GDPD5: variants seen among roughly 807,000 people sequenced by gnomAD.
GDPD5 encodes the protein glycerophosphodiester phosphodiesterase 2.
GDPD5 carries 48 observed loss-of-function variants against 75.1 expected under a neutral mutation model. The observed-to-expected ratio is 0.64, with a 90% CI of 0.51 to 0.81. GDPD5 has a LOEUF of 0.81. GDPD5 is among the 40% of genes least tolerant of loss of function. The pLI, the probability that GDPD5 is intolerant of heterozygous loss-of-function variation, is 0.00. For synonymous variants in GDPD5, 336 were observed against 339.0 expected, an observed-to-expected ratio of 0.99 and a Z score of 0.10; for missense variants, 706 against 822.6, an observed-to-expected ratio of 0.86 and a Z score of 1.73.
intron 3 of GDPD5, among the ~76,000 whole-genome samples, chr11:75,477,271 C>T (rs1286873709): frequency 6.6e-6 from 1 of 152,258 alleles, no homozygotes; most frequent in Non-Finnish European, 1.5e-5. Flanking sequence ...TCACCCTCTC[C>T]TCCAGCACCT....
At chr11:75,488,716 A>T (rs776447578) in intron 2 of GDPD5, among the ~76,000 whole-genome samples, 2 of 152,126 alleles carry the variant, frequency 1.3e-5, no homozygotes, top group Non-Finnish European at 2.9e-5. Context: ...GATTCCCCCC[A>T]ACAAAAGCCC....
At chr11:75,462,741 C>A (rs781508547) in intron 4 of GDPD5, 45 bp downstream of exon 4, 2 of 1,475,846 alleles carry the variant, frequency 1.4e-6, no homozygotes, top group Non-Finnish European at 9.4e-7. Context: ...CTACTGGATA[C>A]CCAGCTCTGG....
intron 5 of GDPD5, among the ~76,000 whole-genome samples, chr11:75,457,319 G>A (rs1291142458): frequency 1.3e-5 from 2 of 152,196 alleles, no homozygotes; most frequent in Admixed American, 6.5e-5. Flanking sequence ...AACATTCCAG[G>A]AAGGGGCAGC....
chr11:75,449,576 G>A lies in GDPD5; in HGVS notation c.509C>T (p.Ala170Val). ...GATCCAGGAGAGCATGGTGACTGCT[G>A]CCACAGCCCCCACATGCAGGAATGG... ...TAPFLHVGAV[A>V]AVTMLSWIVA... The change falls in exon 8 of 17, where the codon GCA becomes GTA. Residue 170 changes from alanine (A) to valine (V), a missense_variant. Transcript: ENST00000336898. 1 of 1,589,172 alleles carries A rather than the reference G, an allele frequency of 6.3e-7. No individual in the cohort carries two copies. Among genetic ancestry groups the A allele is most frequent in the Non-Finnish European group, 8.6e-7 (1 of 1,168,040 alleles).
intron 10 of GDPD5, among the ~76,000 whole-genome samples, chr11:75,443,964 C>A (rs769474564): frequency 3.3e-5 from 5 of 152,192 alleles, no homozygotes; most frequent in Non-Finnish European, 7.3e-5. Context: ...GACAGTTCTG[C>A]CCTTCTTCCC....
intron 1 of GDPD5, among the ~76,000 whole-genome samples, chr11:75,491,529 G>T (rs1380437077): frequency 6.6e-6 from 1 of 152,188 alleles, no homozygotes; most frequent in Non-Finnish European, 1.5e-5. Context: ...CTGCATTTCT[G>T]ATAAGCTCCC....
intron 3 of GDPD5, among the ~76,000 whole-genome samples, chr11:75,474,597 G>T (rs1261866056): frequency 6.6e-6 from 1 of 152,070 alleles, no homozygotes; most frequent in Non-Finnish European, 1.5e-5. Flanking sequence ...TATTTGTTAA[G>T]CGTGTATCCT....
chr11:75,447,526 C>T (rs1949016077), intron 9 of GDPD5, among the ~76,000 whole-genome samples: 1 of 152,164 alleles, frequency 6.6e-6, no homozygotes, highest in Non-Finnish European at 1.5e-5. Flanking sequence ...AATGGCCAAA[C>T]GTAGATAAGT....
chr11:75,451,593 T>A (rs937367553), intron 6 of GDPD5: 1 of 152,206 alleles, frequency 6.6e-6, no homozygotes, highest in African/African-American at 2.4e-5. Context: ...TCCGAACCCC[T>A]GAGAACCCCG....
chr11:75,436,142 A>G (rs1282590778), intron 16 of GDPD5, among the ~76,000 whole-genome samples: 1 of 152,056 alleles, frequency 6.6e-6, no homozygotes, highest in African/African-American at 2.4e-5. Flanking sequence ...TGGGCCCCCA[A>G]AATACCTCAA....
At chr11:75,450,042 G>C (rs1387338401) in intron 6 of GDPD5, 59 bp from the exon 7 acceptor site, 32 of 1,394,256 alleles carry the variant, frequency 2.3e-5, no homozygotes, top group Non-Finnish European at 2.7e-5. Context: ...TTCCCAGTGT[G>C]TCTGAGAGAG....
At chr11:75,509,438 A>C (rs1950469523) in intron 1 of GDPD5, among the ~76,000 whole-genome samples, 1 of 152,248 alleles carries the variant, frequency 6.6e-6, no homozygotes, top group Non-Finnish European at 1.5e-5. Flanking sequence ...TGCACAGAGA[A>C]CAGTGAGCTG....
chr11:75,521,085 TAGAAAG>T (rs1007068293), intron 1 of GDPD5, among the ~76,000 whole-genome samples: 4 of 152,112 alleles, frequency 2.6e-5, no homozygotes, highest in African/African-American at 9.7e-5. Context: ...AAAGACGATG[TAGAAAG>T]CTGGAGCTAC....
intron 1 of GDPD5, among the ~76,000 whole-genome samples, chr11:75,510,356 C>G (rs778935009): frequency 9.2e-5 from 14 of 152,216 alleles, no homozygotes; most frequent in Non-Finnish European, 1.8e-4. Flanking sequence ...GAGGAAGAGT[C>G]CAGCCAGTCC....
intron 3 of GDPD5, among the ~76,000 whole-genome samples, chr11:75,471,643 G>A (rs1448821126): frequency 1.3e-5 from 2 of 152,136 alleles, no homozygotes; most frequent in East Asian, 1.9e-4. Context: ...GGTGGGTGGT[G>A]ATAGTCCCCT....
chr11:75,462,845 G>A lies in GDPD5; in HGVS notation c.162C>T (p.Leu54=), dbSNP rs1447132687. The A allele has an allele frequency of 1.9e-6, 3 of 1,614,126 alleles. No individual in the cohort carries two copies. The highest frequency in any genetic ancestry group is 2.2e-5 in the South Asian group (2 of 91,070). The change falls in exon 4 of 17, where the codon CTC becomes CTT. Residue 54 remains leucine, a synonymous_variant. Transcript: ENST00000336898. ...WFLLLTFTFG[L]TLTWLYFWWE... ...ACCAGAAGTAAAGCCAGGTGAGCGT[G>A]AGGCCAAAGGTGAAGGTGAGGAGCA...
intron 1 of GDPD5, among the ~76,000 whole-genome samples, chr11:75,504,934 C>A (rs766951103): frequency 2.6e-5 from 4 of 151,888 alleles, no homozygotes; most frequent in South Asian, 2.1e-4. Flanking sequence ...GAGACCAGCC[C>A]GACCAACTTG....
chr11:75,514,530 G>A (rs965158915), intron 1 of GDPD5, among the ~76,000 whole-genome samples: 15 of 152,242 alleles, frequency 9.9e-5, no homozygotes, highest in African/African-American at 3.6e-4. Flanking sequence ...GCACAGAGAG[G>A]AAGAACAGTG....
chr11:75,519,625 G>T (rs755888174), intron 1 of GDPD5, among the ~76,000 whole-genome samples: 17 of 152,206 alleles, frequency 1.1e-4, no homozygotes, highest in Non-Finnish European at 2.2e-4. Context: ...ACTCTATGAT[G>T]AAGATGCTGT....
Sources: gnomAD v4.1 joint callset for allele counts (sites outside exome capture counted in the v4.1 genomes callset) on GRCh38, gnomAD v4.1.1 for gene constraint, MANE v1.5 for transcripts, NCBI Gene and HGNC (gene_info 2026-07-23, HGNC 2026-07-21) for gene names.